ADAMTSL3: variants seen among roughly 807,000 people sequenced by gnomAD.
The protein encoded by ADAMTSL3 is ADAMTS like 3.
A neutral mutation model predicts 201.7 loss-of-function variants in ADAMTSL3; 128 were observed. The ratio of observed to expected loss-of-function variants is 0.63; its 90% confidence interval spans 0.55 to 0.73. ADAMTSL3 has a LOEUF of 0.73. Ranked by LOEUF, ADAMTSL3 falls within the 30% of genes least tolerant of loss-of-function variation. The pLI is 0.00. For synonymous variants in ADAMTSL3, 738 were observed against 748.4 expected, an observed-to-expected ratio of 0.99 and a Z score of 0.23; for missense variants, 1,990 against 2,119.6, an observed-to-expected ratio of 0.94 and a Z score of 1.20.
chr15:83,823,889 C>T (rs1438625969), intron 6 of ADAMTSL3, among the ~76,000 whole-genome samples: 1 of 94,868 alleles, frequency 1.1e-5, no homozygotes, highest in African/African-American at 5.5e-5. Context: ...CCTTCTTCTT[C>T]TTCCTCTTCT....
intron 2 of ADAMTSL3, among the ~76,000 whole-genome samples, chr15:83,697,364 C>G (rs2061700308): frequency 1.3e-5 from 2 of 152,284 alleles, no homozygotes; most frequent in East Asian, 3.9e-4. Flanking sequence ...TATTTCAATT[C>G]AATTCTGAGA....
At chr15:83,890,034 T>G in intron 10 of ADAMTSL3, 75 bp from the exon 11 acceptor site, 2 of 1,474,216 alleles carry the variant, frequency 1.4e-6, no homozygotes, top group Non-Finnish European at 1.8e-6. Context: ...AAAAAAAGTG[T>G]GTGGCAAGTG....
intron 23 of ADAMTSL3, among the ~76,000 whole-genome samples, chr15:84,003,748 G>GAGAC (rs1222004606): frequency 6.6e-6 from 1 of 152,184 alleles, no homozygotes; most frequent in African/African-American, 2.4e-5. Context: ...TCTGTGTGCT[G>GAGAC]AGACCCCCAG....
At chr15:83,783,746 A>G (rs2141798714) in intron 4 of ADAMTSL3, among the ~76,000 whole-genome samples, 1 of 152,106 alleles carries the variant, frequency 6.6e-6, no homozygotes, top group Middle Eastern at 3.4e-3. Flanking sequence ...AGAAAAGAAA[A>G]ATTGGTTGAA....
At chr15:83,896,723 T>A (rs1274184526) in intron 13 of ADAMTSL3, among the ~76,000 whole-genome samples, 1 of 152,106 alleles carries the variant, frequency 6.6e-6, no homozygotes, top group Admixed American at 6.6e-5. Context: ...TGCGTACATA[T>A]ATACACTCCC....
intron 4 of ADAMTSL3, among the ~76,000 whole-genome samples, chr15:83,801,902 C>T (rs910547989): frequency 5.9e-5 from 9 of 151,340 alleles, no homozygotes; most frequent in Admixed American, 2.6e-4. Flanking sequence ...ATGAAACACA[C>T]GACTGGATAC....
At chr15:83,866,949 A>C (rs1048894307) in intron 8 of ADAMTSL3, among the ~76,000 whole-genome samples, 3 of 152,148 alleles carry the variant, frequency 2.0e-5, no homozygotes, top group African/African-American at 4.8e-5. Context: ...GAACAATCTC[A>C]CAATTGGCAG....
At position 83,773,607 on chromosome 15, in the gene ADAMTSL3, G is replaced by A. The variant is rs774426794; in HGVS notation, c.274G>A (p.Gly92Arg). The change falls in exon 4 of 30, where the codon GGG becomes AGG. Residue 92 changes from glycine to arginine, a missense_variant. By Grantham distance (125) the Gly-to-Arg change is moderately radical (BLOSUM62 -2). Transcript: ENST00000286744. ...CTGGAGTGACTGCTCCCGGACCTGT[G>A]GGGGAGGAGCATCATATTCTCTGCG... ...GDWSDCSRTCGGGASYSLRRC... is the reference protein window; with the variant it reads ...GDWSDCSRTCRGGASYSLRRC... 5.0e-6 allele frequency: 8 copies of A among 1,612,586 alleles called. No homozygotes were observed. The African/African-American group carries it at 5.4e-5, about 11-fold the overall frequency.
intron 3 of ADAMTSL3, among the ~76,000 whole-genome samples, chr15:83,757,493 G>A (rs570237529): frequency 6.6e-6 from 1 of 152,296 alleles, no homozygotes; most frequent in Non-Finnish European, 1.5e-5. Flanking sequence ...CAGCAGGGGG[G>A]CCCTGGGCCC....
chr15:83,791,231 C>A (rs1467965943), intron 4 of ADAMTSL3, among the ~76,000 whole-genome samples: 1 of 151,994 alleles, frequency 6.6e-6, no homozygotes, highest in Non-Finnish European at 1.5e-5. Context: ...TAGAAAAAAA[C>A]AATCTTAAAA....
intron 5 of ADAMTSL3, among the ~76,000 whole-genome samples, chr15:83,818,298 A>T (rs936309389): frequency 6.6e-6 from 1 of 151,742 alleles, no homozygotes; most frequent in Non-Finnish European, 1.5e-5. Flanking sequence ...TAATACAAAA[A>T]AATAATAAAA....
chr15:83,788,054 C>T (rs909018237), intron 4 of ADAMTSL3, among the ~76,000 whole-genome samples: 7 of 152,256 alleles, frequency 4.6e-5, no homozygotes, highest in Middle Eastern at 3.4e-3. Flanking sequence ...TAATATACAG[C>T]AATTATTTTC....
At chr15:83,980,812 A>G (rs1208609007) in intron 20 of ADAMTSL3, among the ~76,000 whole-genome samples, 2 of 152,210 alleles carry the variant, frequency 1.3e-5, no homozygotes, top group Non-Finnish European at 2.9e-5. Flanking sequence ...AAACCCCAGT[A>G]GGCAGCCAGA....
intron 5 of ADAMTSL3, among the ~76,000 whole-genome samples, chr15:83,807,374 C>T (rs544431866): frequency 1.3e-5 from 2 of 151,942 alleles, no homozygotes; most frequent in South Asian, 2.1e-4. Context: ...GAGAATCACT[C>T]GAACCCGGGA....
intron 26 of ADAMTSL3, among the ~76,000 whole-genome samples, chr15:84,024,148 C>T (rs968949243): frequency 3.9e-5 from 6 of 151,952 alleles, no homozygotes; most frequent in African/African-American, 9.7e-5. Context: ...CCCAGCTACT[C>T]GGGAGGCTGA....
intron 10 of ADAMTSL3, among the ~76,000 whole-genome samples, chr15:83,888,404 T>G (rs559180668): frequency 2.2e-5 from 1 of 45,686 alleles, no homozygotes; most frequent in African/African-American, 1.1e-4. Flanking sequence ...AGAACAAAGA[T>G]TTTTTTTTTC....
chr15:83,968,875 CCAT>C (rs2067138476), intron 19 of ADAMTSL3, among the ~76,000 whole-genome samples: 1 of 152,118 alleles, frequency 6.6e-6, no homozygotes. Context: ...GAACTGGAGA[CCAT>C]CATTCTCAGC....
intron 2 of ADAMTSL3, among the ~76,000 whole-genome samples, chr15:83,667,262 A>G (rs1595992483): frequency 6.6e-6 from 1 of 152,158 alleles, no homozygotes; most frequent in Admixed American, 6.5e-5. Context: ...AAGTTATTGT[A>G]CCTTTGTAAT....
intron 3 of ADAMTSL3, among the ~76,000 whole-genome samples, chr15:83,747,474 C>G (rs113500837): frequency 2.6e-5 from 4 of 152,274 alleles, no homozygotes; most frequent in African/African-American, 9.6e-5. Context: ...AGGTACCCAT[C>G]CAGATCTGTC....
Sources: gnomAD v4.1 joint callset for allele counts (sites outside exome capture counted in the v4.1 genomes callset) on GRCh38, gnomAD v4.1.1 for gene constraint, MANE v1.5 for transcripts, NCBI Gene and HGNC (gene_info 2026-07-23, HGNC 2026-07-21) for gene names.